Variants in ELK4 observed in about 807,000 individuals in gnomAD.
The protein encoded by ELK4 is ETS domain-containing protein Elk-4.
ELK4 carries 16 observed loss-of-function variants against 29.6 expected under a neutral mutation model. That is an observed-to-expected ratio of 0.54 (90% CI 0.37 to 0.82). The LOEUF (loss-of-function observed/expected upper bound fraction) is 0.82, where lower values mean the gene tolerates loss of function less well. Among genes scored for constraint, ELK4 ranks in the 40% least tolerant of loss-of-function variants. ELK4 has a pLI of 0.00. For synonymous variants in ELK4, 213 were observed against 191.1 expected (o/e 1.11, Z -0.95); for missense variants, 465 against 507.1 (o/e 0.92, Z 0.80).
At chr1:205,618,094 T>C (rs1670267515) in intron 4 of ELK4, among the ~76,000 whole-genome samples, 1 of 152,040 alleles carries the variant, frequency 6.6e-6, no homozygotes, top group African/African-American at 2.4e-5. Flanking sequence ...GGTGCCATTA[T>C]AGCTCACTGC....
chr1:205,628,587 T>G (rs975833130), intron 1 of ELK4, among the ~76,000 whole-genome samples: 7 of 152,178 alleles, frequency 4.6e-5, no homozygotes, highest in Admixed American at 1.3e-4. Context: ...GTAGATAACA[T>G]TTCAGCCCTA....
Position 205,609,171 on chromosome 1 carries a change from A to C in ELK4, c.*7375T>G, listed in dbSNP as rs1670115669. Reference sequence around the variant, plus strand: ...TCTCTTAGGAAGGTCTTCTTTAAAGAAGATCGAGTAGGGCTCATGAAAAAT... The same window carrying C: ...TCTCTTAGGAAGGTCTTCTTTAAAGCAGATCGAGTAGGGCTCATGAAAAAT... On this transcript the variant is annotated 3_prime_UTR_variant, in exon 5 of 5. Transcript: ENST00000357992. 3 of 188,600 alleles carry C rather than the reference A, an allele frequency of 1.6e-5. No individual in the cohort carries two copies. Among genetic ancestry groups the C allele is most frequent in the Non-Finnish European group, 3.3e-5 (3 of 89,632 alleles). 11.7% of individuals were successfully genotyped at this position (188,600 alleles called of 1,614,324 possible).
chr1:205,621,006 C>T (rs1429895127), intron 2 of ELK4, among the ~76,000 whole-genome samples, 168 bp from the exon 3 acceptor site: 3 of 151,836 alleles, frequency 2.0e-5, no homozygotes, highest in South Asian at 2.1e-4. Flanking sequence ...ACCAGCCTGG[C>T]CAACATGGTG....
At chr1:205,631,003 A>C (rs1670572043) in intron 1 of ELK4, among the ~76,000 whole-genome samples, 1 of 152,258 alleles carries the variant, frequency 6.6e-6, no homozygotes, top group Non-Finnish European at 1.5e-5. Flanking sequence ...TGACTACTTC[A>C]GTCAACAACA....
rs779867264 is a variant in ELK4, at chr1:205,611,314, G to C, written c.*5232C>G. 4.8e-6 allele frequency: 1 copy of C among 210,098 alleles called. No individual in the cohort carries two copies. Among genetic ancestry groups the C allele is most frequent in the African/African-American group, 2.3e-5 (1 of 44,144 alleles). 13.0% of individuals were successfully genotyped at this position (210,098 alleles called of 1,614,324 possible). ...TCAAAACATGACTTGTATAGTAACA[G>C]GTTCCACCAAGTACAAGAAATAAAA... On this transcript the variant is annotated 3_prime_UTR_variant, in exon 5 of 5. Coordinates refer to ENST00000357992, the MANE Select transcript of ELK4 (RefSeq NM_001973.4).
chr1:205,619,807 A>C, intron 3 of ELK4, 159 bp downstream of exon 3: 1 of 1,545,660 alleles, frequency 6.5e-7, no homozygotes, highest in Non-Finnish European at 8.7e-7. Flanking sequence ...ATCCTAATTA[A>C]GATGAGAAAT....
chr1:205,612,852 G>A lies in ELK4; in HGVS notation c.*3694C>T, dbSNP rs1670172931. 1 of 203,562 alleles carries A rather than the reference G, an allele frequency of 4.9e-6. No individual in the cohort carries two copies. The highest frequency in any genetic ancestry group is 1.0e-5 in the Non-Finnish European group (1 of 99,456). 12.6% of individuals were successfully genotyped at this position (203,562 alleles called of 1,614,324 possible). On this transcript the variant is annotated 3_prime_UTR_variant, in exon 5 of 5. Coordinates refer to ENST00000357992, the MANE Select transcript of ELK4 (RefSeq NM_001973.4). ...ACTTTTAAAATCTGTAATATAGTAT[G>A]TAAATCTTCAAGGAATTTTCCAGTT...
At position 205,608,242 on chromosome 1, in the gene ELK4, C is replaced by T. The variant is rs955889446; in HGVS notation, c.*8304G>A. On this transcript the variant is annotated 3_prime_UTR_variant, in exon 5 of 5. Coordinates refer to ENST00000357992, the MANE Select transcript of ELK4 (RefSeq NM_001973.4). ...GATCACCTGATTGGTCAGAGCAACC[C>T]CTTACTATGTCTGGAGATGCACTGA... is the stretch of plus-strand genomic sequence containing the variant. 1.1e-5 allele frequency: 2 copies of T among 183,608 alleles called. No individual in the cohort carries two copies. The highest frequency in any genetic ancestry group is 1.9e-3 in the Middle Eastern group (1 of 532). 11.4% of individuals were successfully genotyped at this position (183,608 alleles called of 1,614,324 possible). A position where few individuals can be genotyped will look rare whatever the true frequency, so the allele number is the denominator to read the frequency against.
rs1670141458 is a variant in ELK4 at position 205,610,937 on chromosome 1, G to A, written c.*5609C>T. 1 of 226,780 alleles carries A rather than the reference G, an allele frequency of 4.4e-6. No individual in the cohort carries two copies. Among genetic ancestry groups the A allele is most frequent in the Non-Finnish European group, 8.8e-6 (1 of 114,174 alleles). The allele number at this position is 226,780 out of a possible 1,614,324, so 14.0% of individuals were successfully genotyped here. On this transcript the variant is annotated 3_prime_UTR_variant, in exon 5 of 5. Transcript: ENST00000357992. ...TCAACCTCATAAAACTTCCTGATGT[G>A]GACTATACTCAAATGATTAGCACTC...
Position 205,611,202 on chromosome 1 carries a change from G to T in ELK4, c.*5344C>A, listed in dbSNP as rs1263050116. On this transcript the variant is annotated 3_prime_UTR_variant, in exon 5 of 5. Transcript: ENST00000357992. ...TCAATCTATCATAATTTTTTTCAGAGAAGTGACTTGAAGAAACTGACAGTT... is the reference window on the plus strand; with the variant it reads ...TCAATCTATCATAATTTTTTTCAGATAAGTGACTTGAAGAAACTGACAGTT... The T allele has an allele frequency of 4.8e-6, 1 of 210,302 alleles. No individual in the cohort carries two copies. The highest frequency in any genetic ancestry group is 9.7e-6 in the Non-Finnish European group (1 of 103,620). 13.0% of individuals were successfully genotyped at this position (210,302 alleles called of 1,614,324 possible). A position where few individuals can be genotyped will look rare whatever the true frequency, so the allele number is the denominator to read the frequency against.
chr1:205,623,831 G>A lies in ELK4; in HGVS notation c.52C>T (p.Pro18Ser). Residue 18 changes from proline (P) to serine (S), a missense_variant, in exon 2 of 5, where the codon CCT (proline) becomes TCT (serine). By Grantham distance (74) the Pro-to-Ser change is moderately conservative. Around this residue, in one of 2 missense-constraint regions of ELK4, gnomAD observed 385 missense variants for 387.5 expected, o/e 0.99. Transcript: ENST00000357992. The stretch of plus-strand genomic sequence containing the variant: ...CAACAGATCATGTGCTTGTTCTGAG[G>A]CTTCTGCAGGAGCTGAAGAAGGAAC... Reference protein sequence around the residue: ...WQFLLQLLQKPQNKHMICWTS... With the variant: ...WQFLLQLLQKSQNKHMICWTS... The A allele has an allele frequency of 6.2e-7, 1 of 1,614,184 alleles. No homozygotes were observed. Among genetic ancestry groups the A allele is most frequent in the South Asian group, 1.1e-5 (1 of 91,086 alleles).
chr1:205,612,440 T>C lies in ELK4; in HGVS notation c.*4106A>G, dbSNP rs184798145. On this transcript the variant is annotated 3_prime_UTR_variant, in exon 5 of 5. Coordinates refer to ENST00000357992, the MANE Select transcript of ELK4 (RefSeq NM_001973.4). Reference sequence around the variant, plus strand: ...TCACTTCAATTTTTGTGTATTTTTTTATAACACACATATTACTTTGGTATA... The same window carrying C: ...TCACTTCAATTTTTGTGTATTTTTTCATAACACACATATTACTTTGGTATA... 1.3e-3 allele frequency: 291 copies of C among 216,720 alleles called. No homozygotes were observed. The highest frequency in any genetic ancestry group is 2.2e-3 in the South Asian group (12 of 5,392). 13.4% of individuals were successfully genotyped at this position (216,720 alleles called of 1,614,324 possible). A position where few individuals can be genotyped will look rare whatever the true frequency, so the allele number is the denominator to read the frequency against.
intron 1 of ELK4, chr1:205,625,981 T>A: frequency 8.1e-7 from 1 of 1,229,628 alleles, no homozygotes; most frequent in Non-Finnish European, 1.2e-6. Flanking sequence ...CCGGCCCAGT[T>A]CTACTTCTTG....
At chr1:205,619,716 G>A (rs1043878234) in intron 3 of ELK4, 21 of 1,441,572 alleles carry the variant, frequency 1.5e-5, no homozygotes, top group Non-Finnish European at 1.7e-5. Context: ...TCTTTAGGAG[G>A]AAATAGAAAA....
intron 2 of ELK4, among the ~76,000 whole-genome samples, chr1:205,623,370 C>A (rs1307394416): frequency 6.8e-6 from 1 of 147,628 alleles, no homozygotes; most frequent in African/African-American, 2.5e-5. Context: ...AGTGCAATGG[C>A]ACAATCTTGG....
At position 205,626,250 on chromosome 1, in the gene ELK4, ATTCAGGACCGGCAC is replaced by A; in HGVS notation, c.-9-2373_-9-2360del. The A allele has an allele frequency of 8.2e-6, 4 of 486,868 alleles. No individual in the cohort carries two copies. In the Middle Eastern group the frequency reaches 1.5e-3, roughly 181 times the overall value. 30.2% of individuals were successfully genotyped at this position (486,868 alleles called of 1,614,324 possible). ...TCCAAGCTCAAACACCACCTCCCTT[ATTCAGGACCGGCAC>A]TTCTTAATGTTTGAGGCTTTCTTTC... On this transcript the variant is annotated intron_variant, in intron 1 of 4. Coordinates refer to ENST00000357992, the MANE Select transcript of ELK4 (RefSeq NM_001973.4).
In ELK4 at chr1:205,608,569, G is replaced by GAAA; in HGVS notation, c.*7974_*7976dup. The GAAA allele has an allele frequency of 5.7e-6, 1 of 176,432 alleles. No individual in the cohort carries two copies. The highest frequency in any genetic ancestry group is 6.5e-5 in the Admixed American group (1 of 15,314). The allele number at this position is 176,432 out of a possible 1,614,324, so 10.9% of individuals were successfully genotyped here. A position where few individuals can be genotyped will look rare whatever the true frequency, so the allele number is the denominator to read the frequency against. ...ATTTTAATTGCTTTTTTAGGAAAAA[G>GAAA]AAAAAAAAAAGGTGCTTTTAATACT... On this transcript the variant is annotated 3_prime_UTR_variant, in exon 5 of 5. Coordinates refer to ENST00000357992, the MANE Select transcript of ELK4 (RefSeq NM_001973.4).
chr1:205,623,787 C>T lies in ELK4; in HGVS notation c.96G>A (p.Gln32=). The T allele has an allele frequency of 1.9e-6, 3 of 1,614,228 alleles. No individual in the cohort carries two copies. The highest frequency in any genetic ancestry group is 1.7e-6 in the Non-Finnish European group (2 of 1,180,040). The change falls in exon 2 of 5, where the codon CAG becomes CAA. Residue 32 remains glutamine (Q), a synonymous_variant. Transcript: ENST00000357992. ...HMICWTSNDG[Q]FKLLQAEEVA... is the part of the protein sequence containing the mutation. The stretch of plus-strand genomic sequence containing the variant: ...CCTCTTCTGCCTGCAAAAGCTTAAA[C>T]TGCCCATCATTAGAGGTCCAACAGA...
intron 1 of ELK4, among the ~76,000 whole-genome samples, chr1:205,624,642 CCT>C (rs1670417510): frequency 6.6e-6 from 1 of 152,206 alleles, no homozygotes; most frequent in South Asian, 2.1e-4. Flanking sequence ...TCAGGATCTC[CCT>C]GTTTAGGCCA....
Sources: gnomAD v4.1 joint callset for allele counts (sites outside exome capture counted in the v4.1 genomes callset) on GRCh38, gnomAD v4.1.1 for gene constraint, gnomAD v4.1.1 regional missense constraint, MANE v1.5 for transcripts, NCBI Gene and HGNC (gene_info 2026-07-23, HGNC 2026-07-21) for gene names.